C2orf72: variants seen among roughly 807,000 people sequenced by gnomAD.
C2orf72 encodes chromosome 2 open reading frame 72.
Under a neutral mutation model 14.4 loss-of-function variants are expected in C2orf72, and 16 were observed. The observed-to-expected ratio is 1.11, with a 90% CI of 0.75 to 1.69. C2orf72 has a LOEUF of 1.69. Among genes scored for constraint, C2orf72 ranks in the 40% most tolerant of loss-of-function variants. C2orf72 has a pLI of 0.00. For missense variants in C2orf72, 371 were observed against 358.3 expected (o/e 1.04, Z -0.29); for synonymous variants, 168 against 176.8 (o/e 0.95, Z 0.40).
In C2orf72 at chr2:231,045,296, G is replaced by T. The variant is rs569766670; in HGVS notation, c.749-1586G>T. On this transcript the variant is annotated intron_variant, in intron 2 of 2. Coordinates refer to ENST00000373640, the MANE Select transcript of C2orf72 (RefSeq NM_001144994.2). ...AATAATAATTTTATATATATAGAGA[G>T]AGAGAGAGACAGTACAGTAACATAG... 4.1e-3 allele frequency among the ~76,000 whole-genome samples: 623 copies of T among 151,658 alleles called. 4 individuals carry two copies. Among genetic ancestry groups the T allele is most frequent in the South Asian group, 0.013 (61 of 4,808 alleles).
Position 231,037,640 on chromosome 2 carries a change from A to T in C2orf72, c.75A>T (p.Glu25Asp), listed in dbSNP as rs1255773337. The T allele has an allele frequency of 1.8e-6, 2 of 1,121,830 alleles. No individual in the cohort carries two copies. Among genetic ancestry groups the T allele is most frequent in the Non-Finnish European group, 2.2e-6 (2 of 913,398 alleles). The allele number at this position is 1,121,830 out of a possible 1,614,324, so 69.5% of individuals were successfully genotyped here. A position where few individuals can be genotyped will look rare whatever the true frequency, so the allele number is the denominator to read the frequency against. The change falls in exon 1 of 3, where the codon GAA (glutamate) becomes GAT (aspartate). Residue 25 changes from glutamate (E) to aspartate (D), a missense_variant. By Grantham distance (45) the Glu-to-Asp change is conservative. Transcript: ENST00000373640. ...AGCCGCCCTTCCAGGCGTTGGTGGA[A>T]GCGGCGGGGGGCCGCGGGCAGGTGC... ...PAEPPFQALV[E>D]AAGGRGQVLL...
chr2:231,043,387 C>CA (rs1048701413), intron 2 of C2orf72, among the ~76,000 whole-genome samples: 1 of 143,820 alleles, frequency 7.0e-6, no homozygotes, highest in Admixed American at 7.0e-5. Flanking sequence ...TTTGAAAACT[C>CA]AAAAAAAAGT....
chr2:231,038,295 G>A (rs1389263734), intron 1 of C2orf72, 96 bp downstream of exon 1: 2 of 950,240 alleles, frequency 2.1e-6, no homozygotes, highest in Non-Finnish European at 2.6e-6. Context: ...ATTGAGCACC[G>A]AGGTAAACTG....
intron 2 of C2orf72, among the ~76,000 whole-genome samples, chr2:231,043,339 A>G (rs2125137660): frequency 6.6e-6 from 1 of 152,236 alleles, no homozygotes; most frequent in Non-Finnish European, 1.5e-5. Flanking sequence ...ATAAGGGGCC[A>G]GAATCTTGGG....
chr2:231,037,551 C>T lies in C2orf72; in HGVS notation c.-15C>T, dbSNP rs1204960248. 5 of 1,006,914 alleles carry T rather than the reference C, an allele frequency of 5.0e-6. No individual in the cohort carries two copies. Among genetic ancestry groups the T allele is most frequent in the African/African-American group, 1.8e-5 (1 of 56,998 alleles). 62.4% of individuals were successfully genotyped at this position (1,006,914 alleles called of 1,614,324 possible). On this transcript the variant is annotated 5_prime_UTR_variant, in exon 1 of 3. Transcript: ENST00000373640. ...CCCGGGCCGCGGCGGCCGCAGAGGG[C>T]GGGCGGCGGCCAGCATGGAGCGCGA... is the stretch of plus-strand genomic sequence containing the variant.
rs1293701961 is a variant in C2orf72 at position 231,048,345 on chromosome 2, T to C, written c.*1324T>C. 1 of 152,298 alleles carries C rather than the reference T, an allele frequency of 6.6e-6. No individual in the cohort carries two copies. The highest frequency in any genetic ancestry group is 1.9e-4 in the East Asian group (1 of 5,200). The allele number at this position is 152,298 out of a possible 1,614,324, so 9.4% of individuals were successfully genotyped here. A position where few individuals can be genotyped will look rare whatever the true frequency, so the allele number is the denominator to read the frequency against. The stretch of plus-strand genomic sequence containing the variant: ...TACGCAGCAGACACACAACTGCGCC[T>C]ACTATTTGCTCGGTGCCCTGCAAGG... On this transcript the variant is annotated 3_prime_UTR_variant, in exon 3 of 3. Coordinates refer to ENST00000373640, the MANE Select transcript of C2orf72 (RefSeq NM_001144994.2).
chr2:231,038,018 G>A lies in C2orf72; in HGVS notation c.453G>A (p.Gly151=). The stretch of plus-strand genomic sequence containing the variant: ...TCGGGGTGCTGGTGGCCGAGGCCGG[G>A]CCAGAGGACGCGGTGGCGCCGGGGC... The part of the protein sequence containing the change: ...ALVGVLVAEA[G]PEDAVAPGLR... The change falls in exon 1 of 3, where the codon GGG becomes GGA. Residue 151 remains glycine (G), a synonymous_variant. Transcript: ENST00000373640. The A allele has an allele frequency of 9.4e-7, 1 of 1,066,266 alleles. No homozygotes were observed. Among genetic ancestry groups the A allele is most frequent in the African/African-American group, 1.7e-5 (1 of 58,938 alleles). The allele number at this position is 1,066,266 out of a possible 1,614,324, so 66.1% of individuals were successfully genotyped here.
chr2:231,046,333 TGTGTG>T (rs1346551282), intron 2 of C2orf72, among the ~76,000 whole-genome samples: 11 of 151,060 alleles, frequency 7.3e-5, no homozygotes, highest in Non-Finnish European at 1.5e-4. Flanking sequence ...TGTGTGTGTG[TGTGTG>T]TTTAGGTCTG....
chr2:231,044,962 T>TATATATATATATATACACAC (rs985747494), intron 2 of C2orf72, among the ~76,000 whole-genome samples: 1 of 146,432 alleles, frequency 6.8e-6, no homozygotes, highest in African/African-American at 2.5e-5. Context: ...TATATATATA[T>TATATATATATATATACACAC]ACACACACAC....
chr2:231,048,565 C>T lies in C2orf72; in HGVS notation c.*1544C>T, dbSNP rs906677316. 11 of 152,610 alleles carry T rather than the reference C, an allele frequency of 7.2e-5. No individual in the cohort carries two copies. Among genetic ancestry groups the T allele is most frequent in the Non-Finnish European group, 1.5e-4 (10 of 68,246 alleles). The allele number at this position is 152,610 out of a possible 1,614,324, so 9.5% of individuals were successfully genotyped here. On this transcript the variant is annotated 3_prime_UTR_variant, in exon 3 of 3. Transcript: ENST00000373640. ...TTTAGCCTCTGCCCCCAGTTCTGGTCTGACCCAACAGAGGGGCTCTATGAT... is the reference window on the plus strand; with the variant it reads ...TTTAGCCTCTGCCCCCAGTTCTGGTTTGACCCAACAGAGGGGCTCTATGAT...
At chr2:231,038,250 C>T (rs1170558326) in intron 1 of C2orf72, 51 bp downstream of exon 1, 1 of 1,165,384 alleles carries the variant, frequency 8.6e-7, no homozygotes, top group Non-Finnish European at 1.1e-6. Context: ...GGCTCGGGCA[C>T]GTCCCCCAAG....
chr2:231,037,689 C>T lies in C2orf72; in HGVS notation c.124C>T (p.Arg42Cys). 9.3e-7 allele frequency: 1 copy of T among 1,077,020 alleles called. No homozygotes were observed. The allele number at this position is 1,077,020 out of a possible 1,614,324, so 66.7% of individuals were successfully genotyped here. ...GCTGCTGGTGGGCGAGCTGTGGGAG[C>T]GCGAACAGAGCCGCGCGCTGCTGCG... ...QVLLVGELWE[R>C]EQSRALLRDF... The change falls in exon 1 of 3, where the codon CGC (arginine) becomes TGC (cysteine). Residue 42 changes from arginine (R) to cysteine (C), a missense_variant. By Grantham distance (180) the Arg-to-Cys change is radical. This residue lies in a region of C2orf72 where 214 missense variants were observed against 178.7 expected (regional missense o/e 1.20). Coordinates refer to ENST00000373640, the MANE Select transcript of C2orf72 (RefSeq NM_001144994.2).
At chr2:231,041,612 C>G (rs1240800902) in intron 2 of C2orf72, among the ~76,000 whole-genome samples, 1 of 152,004 alleles carries the variant, frequency 6.6e-6, no homozygotes, top group Non-Finnish European at 1.5e-5. Context: ...GGCTCTTTCC[C>G]CAGGAGTCTC....
At chr2:231,039,427 C>T (rs1214714744) in intron 1 of C2orf72, among the ~76,000 whole-genome samples, 1 of 151,742 alleles carries the variant, frequency 6.6e-6, no homozygotes, top group Non-Finnish European at 1.5e-5. Flanking sequence ...GCCCTTCAAG[C>T]CCTCCAGCCC....
chr2:231,044,135 A>T (rs952830494), intron 2 of C2orf72, among the ~76,000 whole-genome samples: 7 of 150,204 alleles, frequency 4.7e-5, no homozygotes, highest in Non-Finnish European at 1.0e-4. Context: ...TGCATAGGAC[A>T]CTTACCATGA....
chr2:231,038,639 G>T (rs1044173968), intron 1 of C2orf72, among the ~76,000 whole-genome samples: 2 of 152,090 alleles, frequency 1.3e-5, no homozygotes, highest in Non-Finnish European at 2.9e-5. Flanking sequence ...ATTCTAGGGC[G>T]CTGCGCAGCC....
Position 231,047,213 on chromosome 2 carries a change from C to A in C2orf72, c.*192C>A. 2.7e-6 allele frequency: 2 copies of A among 728,420 alleles called. No individual in the cohort carries two copies. The highest frequency in any genetic ancestry group is 4.9e-6 in the Non-Finnish European group (2 of 412,174). 45.1% of individuals were successfully genotyped at this position (728,420 alleles called of 1,614,324 possible). A position where few individuals can be genotyped will look rare whatever the true frequency, so the allele number is the denominator to read the frequency against. ...CCTAAAACAGTGTCTCCCCTGGGAA[C>A]CTACTCCCCACCCAGCATTTGCTAA... On this transcript the variant is annotated 3_prime_UTR_variant, in exon 3 of 3. Transcript: ENST00000373640.
chr2:231,044,284 A>G (rs1368094470), intron 2 of C2orf72, among the ~76,000 whole-genome samples: 1 of 152,200 alleles, frequency 6.6e-6, no homozygotes, highest in African/African-American at 2.4e-5. Context: ...CATTTATTTT[A>G]AAATATTTCT....
At position 231,037,880 on chromosome 2, in the gene C2orf72, G is replaced by C; in HGVS notation, c.315G>C (p.Pro105=). 2.0e-6 allele frequency: 2 copies of C among 989,346 alleles called. No individual in the cohort carries two copies. The highest frequency in any genetic ancestry group is 1.2e-6 in the Non-Finnish European group (1 of 835,628). The allele number at this position is 989,346 out of a possible 1,614,324, so 61.3% of individuals were successfully genotyped here. The change falls in exon 1 of 3, where the codon CCG becomes CCC. Residue 105 remains proline, a synonymous_variant. Transcript: ENST00000373640. The part of the protein sequence containing the change: ...AAAAARAIRS[P]LVFVLCRASS... ...CGGCGGCGCGCGCCATCCGCTCGCC[G>C]CTGGTCTTCGTGCTGTGCCGCGCGT...
Sources: allele counts gnomAD v4.1 joint callset (sites outside exome capture counted in the v4.1 genomes callset), GRCh38; gene constraint gnomAD v4.1.1; regional missense constraint gnomAD v4.1.1; transcripts MANE v1.5; gene names NCBI Gene and HGNC (gene_info 2026-07-23, HGNC 2026-07-21).